ANKS1B: variants seen among roughly 807,000 people sequenced by gnomAD.
ANKS1B encodes ankyrin repeat and sterile alpha motif domain-containing protein 1B.
In ANKS1B, 36 loss-of-function variants were observed where a neutral mutation model predicts 148.3. That is an observed-to-expected ratio of 0.24 (90% CI 0.19 to 0.32). The LOEUF (loss-of-function observed/expected upper bound fraction) is 0.32. Among genes scored for constraint, ANKS1B ranks in the 10% least tolerant of loss-of-function variants. The pLI is 1.00. For synonymous variants in ANKS1B, 542 were observed against 560.8 expected (o/e 0.97, Z 0.47); for missense variants, 1,157 against 1,542.6 (o/e 0.75, Z 4.19).
chr12:99,682,017 C>G (rs1033690052), intron 8 of ANKS1B, among the ~76,000 whole-genome samples: 1 of 152,044 alleles, frequency 6.6e-6, no homozygotes, highest in Admixed American at 6.5e-5. Context: ...TTTTAAAAAA[C>G]AAAGAGGGAC....
intron 15 of ANKS1B, chr12:99,104,583 G>C (rs1245067718): frequency 1.3e-5 from 2 of 152,174 alleles, no homozygotes; most frequent in Admixed American, 6.5e-5. Flanking sequence ...AATGTGAATA[G>C]GCATCGTTGC....
At chr12:99,037,388 T>G (rs1263635949) in intron 17 of ANKS1B, among the ~76,000 whole-genome samples, 2 of 151,620 alleles carry the variant, frequency 1.3e-5, no homozygotes, top group Non-Finnish European at 2.9e-5. Context: ...TGGTGGCGGG[T>G]CCCTGTAATC....
At chr12:99,209,415 A>G (rs1286542544) in intron 14 of ANKS1B, among the ~76,000 whole-genome samples, 1 of 152,118 alleles carries the variant, frequency 6.6e-6, no homozygotes, top group African/African-American at 2.4e-5. Flanking sequence ...CTCTTTAACT[A>G]TTTTTTGAGT....
intron 11 of ANKS1B, among the ~76,000 whole-genome samples, chr12:99,419,801 T>C (rs1174189360): frequency 6.6e-6 from 1 of 152,122 alleles, no homozygotes; most frequent in East Asian, 1.9e-4. Flanking sequence ...CCTGAGTAGT[T>C]AGCAATACAG....
At chr12:99,438,948 A>G (rs2095505132) in intron 11 of ANKS1B, among the ~76,000 whole-genome samples, 1 of 151,928 alleles carries the variant, frequency 6.6e-6, no homozygotes, top group Admixed American at 6.6e-5. Context: ...ATGACATAAA[A>G]GAATCCTATG....
chr12:99,942,920 T>A (rs1438412589), intron 1 of ANKS1B, among the ~76,000 whole-genome samples: 2 of 152,132 alleles, frequency 1.3e-5, no homozygotes, highest in South Asian at 4.1e-4. Context: ...ATCAGCATCA[T>A]CTTATCTGTG....
At chr12:99,883,639 C>T (rs924509201) in intron 1 of ANKS1B, among the ~76,000 whole-genome samples, 1 of 152,076 alleles carries the variant, frequency 6.6e-6, no homozygotes, top group Admixed American at 6.6e-5. Flanking sequence ...GCAAATCGGC[C>T]GGGCACAGTG....
chr12:99,869,334 G>T (rs1437063672), intron 1 of ANKS1B, among the ~76,000 whole-genome samples: 1 of 152,024 alleles, frequency 6.6e-6, no homozygotes, highest in African/African-American at 2.4e-5. Flanking sequence ...ATAAATGCAT[G>T]AACCAATGAA....
At chr12:98,863,711 T>C (rs561335805) in intron 17 of ANKS1B, among the ~76,000 whole-genome samples, 1 of 152,298 alleles carries the variant, frequency 6.6e-6, no homozygotes, top group South Asian at 2.1e-4. Flanking sequence ...AGATCACTAA[T>C]GACCAGCTGG....
At chr12:99,462,418 T>A (rs1051522314) in intron 10 of ANKS1B, among the ~76,000 whole-genome samples, 1 of 152,230 alleles carries the variant, frequency 6.6e-6, no homozygotes, top group African/African-American at 2.4e-5. Context: ...ATATTGAGAC[T>A]TCATCACAGC....
At chr12:99,691,289 C>T (rs2098678090) in intron 8 of ANKS1B, among the ~76,000 whole-genome samples, 1 of 152,188 alleles carries the variant, frequency 6.6e-6, no homozygotes, top group Non-Finnish European at 1.5e-5. Flanking sequence ...AGACTTCCTC[C>T]CCATTGTGTT....
At chr12:98,956,555 C>T (rs73382465) in intron 17 of ANKS1B, among the ~76,000 whole-genome samples, 2,026 of 151,858 alleles carry the variant, frequency 0.013, 45 homozygotes, top group African/African-American at 0.047. Context: ...CCCCCCCATC[C>T]CCCCCGTCAC....
At chr12:99,176,504 T>G (rs1202587833) in intron 14 of ANKS1B, among the ~76,000 whole-genome samples, 1 of 152,298 alleles carries the variant, frequency 6.6e-6, no homozygotes, top group East Asian at 1.9e-4. Flanking sequence ...GGTCAATGAA[T>G]GCACAAATGG....
intron 12 of ANKS1B, among the ~76,000 whole-genome samples, chr12:99,283,920 T>C (rs909226655): frequency 6.6e-6 from 1 of 152,166 alleles, no homozygotes; most frequent in African/African-American, 2.4e-5. Context: ...GAATACTTAT[T>C]GAAAGAATAA....
chr12:99,868,330 C>T (rs927533743), intron 1 of ANKS1B, among the ~76,000 whole-genome samples: 4 of 152,130 alleles, frequency 2.6e-5, no homozygotes, highest in Non-Finnish European at 5.9e-5. Flanking sequence ...TGAGCACTTT[C>T]TTCTATGTAT....
intron 12 of ANKS1B, among the ~76,000 whole-genome samples, chr12:99,333,135 C>A (rs1220737120): frequency 6.6e-6 from 1 of 151,960 alleles, no homozygotes; most frequent in African/African-American, 2.4e-5. Context: ...AAAGTAAAGG[C>A]AGATAAGGCT....
intron 9 of ANKS1B, among the ~76,000 whole-genome samples, chr12:99,599,710 G>C (rs1333868686): frequency 6.6e-6 from 1 of 152,002 alleles, no homozygotes; most frequent in Non-Finnish European, 1.5e-5. Context: ...GGATAGTGGG[G>C]ATAACTGTGA....
chr12:99,373,165 A>T (rs1850972412), intron 12 of ANKS1B, among the ~76,000 whole-genome samples: 1 of 152,154 alleles, frequency 6.6e-6, no homozygotes, highest in Non-Finnish European at 1.5e-5. Flanking sequence ...GTGGTAGTGA[A>T]CTTGACCACT....
At chr12:98,741,749 T>C (rs2097800579), downstream of ANKS1B, among the ~76,000 whole-genome samples, 1 of 152,226 alleles carries the variant, frequency 6.6e-6, no homozygotes, top group African/African-American at 2.4e-5. Context: ...CATTGTTTTT[T>C]TCCTCTCAGA....
Sources: gnomAD v4.1 joint callset for allele counts (sites outside exome capture counted in the v4.1 genomes callset) on GRCh38, gnomAD v4.1.1 for gene constraint, MANE v1.5 for transcripts, NCBI Gene and HGNC (gene_info 2026-07-23, HGNC 2026-07-21) for gene names.